The following DNMT1 variants were observed in gnomAD, a reference collection of about 807,000 sequenced individuals.
DNMT1 encodes the protein DNA (cytosine-5)-methyltransferase 1.
In DNMT1, 24 loss-of-function variants were observed where a neutral mutation model predicts 205.3. That is an observed-to-expected ratio of 0.12 (90% CI 0.08 to 0.16). The LOEUF is 0.16. Among genes scored for constraint, DNMT1 ranks in the 10% least tolerant of loss-of-function variants. The probability of loss-of-function intolerance (pLI) is 1.00; values close to 1 mark genes in which losing one functional copy is unlikely to be tolerated. For missense variants in DNMT1, 1,293 were observed against 2,177.7 expected (o/e 0.59, Z 8.09); for synonymous variants, 817 against 839.8 (o/e 0.97, Z 0.47).
At chr19:10,147,783 G>A (rs951770456) in intron 27 of DNMT1, among the ~76,000 whole-genome samples, 1 of 151,914 alleles carries the variant, frequency 6.6e-6, no homozygotes, top group Non-Finnish European at 1.5e-5. Flanking sequence ...AGTGAGGTAC[G>A]GAGGTTAAAA....
chr19:10,179,398 A>G (rs1411708122), intron 5 of DNMT1, among the ~76,000 whole-genome samples: 2 of 151,714 alleles, frequency 1.3e-5, no homozygotes, highest in Non-Finnish European at 2.9e-5. Context: ...ACGTCTGGCA[A>G]ATTTTTTGTA....
chr19:10,163,493 A>C, intron 11 of DNMT1, 133 bp from the exon 12 acceptor site: 1 of 888,884 alleles, frequency 1.1e-6, no homozygotes, highest in South Asian at 1.4e-5. Flanking sequence ...GAAGACAGGC[A>C]GGCCTGGGCA....
intron 7 of DNMT1, among the ~76,000 whole-genome samples, chr19:10,175,126 C>T (rs2038912929): frequency 9.4e-6 from 1 of 106,210 alleles, no homozygotes; most frequent in African/African-American, 3.6e-5. Flanking sequence ...CACACACACA[C>T]ACATATATAT....
intron 1 of DNMT1, among the ~76,000 whole-genome samples, chr19:10,186,794 C>A (rs939710463): frequency 1.4e-4 from 20 of 138,726 alleles, no homozygotes; most frequent in African/African-American, 5.4e-4. Context: ...GCCAAGGTCA[C>A]GTCATTGCAC....
At chr19:10,164,985 G>A (rs1017324818) in intron 11 of DNMT1, among the ~76,000 whole-genome samples, 3 of 134,592 alleles carry the variant, frequency 2.2e-5, no homozygotes, top group East Asian at 2.3e-4. Flanking sequence ...TGAATGCAAC[G>A]GTTCATGCCT....
rs1028904941 is a variant in DNMT1, at chr19:10,146,907, A to G, written c.2721-383T>C. ...TAAAGGCTCAACAGGTATTTGAGGAAATTCAACATTATTCTTGACTAGTAA... is the reference window on the plus strand; with the variant it reads ...TAAAGGCTCAACAGGTATTTGAGGAGATTCAACATTATTCTTGACTAGTAA... On this transcript the variant is annotated intron_variant, in intron 27 of 40. Transcript: ENST00000359526. The surrounding 1 kb of genome is among the most constrained non-coding windows in gnomAD (Gnocchi z 4.4). Among the ~76,000 whole-genome samples, 1 of 152,188 alleles carries G rather than the reference A, an allele frequency of 6.6e-6. No homozygotes were observed. The highest frequency in any genetic ancestry group is 1.5e-5 in the Non-Finnish European group (1 of 68,050).
rs182154331 is a variant in DNMT1 at position 10,136,283 on chromosome 19, G to C, written c.4494C>G (p.Gly1498=). 1 of 1,613,888 alleles carries C rather than the reference G, an allele frequency of 6.2e-7. No homozygotes were observed. Among genetic ancestry groups the C allele is most frequent in the East Asian group, 2.2e-5 (1 of 44,886 alleles). ...GCCTGGCTGCGGGGTCGCAGGCTTT[G>C]CCGGCTGGAAGACAGGACAGTGATG... ...LRGVCSCVEA[G]KACDPAARQF... Residue 1498 remains glycine (G), a synonymous_variant, in exon 38 of 41, where the codon GGC becomes GGG. Transcript: ENST00000359526.
rs74574531 is a variant in DNMT1, at chr19:10,151,596, C to T, written c.2118-51G>A. 637 of 1,611,996 alleles carry T rather than the reference C, an allele frequency of 4.0e-4. No homozygotes were observed. The East Asian group carries it at 4.6e-3, about 12-fold the overall frequency. ...GGCCCCTTTTCTAAGTAAGACCAAC[C>T]GGGGCTGTTTTCTTCATAACAGGGA... On this transcript the variant is annotated intron_variant, in intron 23 of 40. Coordinates refer to ENST00000359526, the MANE Select transcript of DNMT1 (RefSeq NM_001130823.3). This position sits in a 1 kb window ranked among gnomAD's most constrained non-coding sequence, Gnocchi z 5.0.
At chr19:10,147,072 AAC>A (rs1407847151) in intron 27 of DNMT1, among the ~76,000 whole-genome samples, 3 of 152,126 alleles carry the variant, frequency 2.0e-5, no homozygotes, top group Non-Finnish European at 4.4e-5. Flanking sequence ...TAGCCTGGCC[AAC>A]ACAGTGAGAC....
At chr19:10,160,979 G>A (rs139658335) in intron 13 of DNMT1, among the ~76,000 whole-genome samples, 1 of 152,202 alleles carries the variant, frequency 6.6e-6, no homozygotes, top group African/African-American at 2.4e-5. Flanking sequence ...TAGCTTTCCT[G>A]TGTAAGTGGA....
intron 1 of DNMT1, among the ~76,000 whole-genome samples, chr19:10,187,415 C>T (rs1043270951): frequency 1.3e-5 from 2 of 151,984 alleles, no homozygotes; most frequent in Non-Finnish European, 2.9e-5. Flanking sequence ...CTAGCCTGGG[C>T]AACAGAGCGA....
At chr19:10,163,421 C>A in intron 11 of DNMT1, 61 bp from the exon 12 acceptor site, 1 of 1,556,670 alleles carries the variant, frequency 6.4e-7, no homozygotes, top group Non-Finnish European at 8.9e-7. Context: ...GTTTCTGAGC[C>A]AGAGTGAGAT....
In DNMT1 at chr19:10,138,668, A is replaced by G; in HGVS notation, c.3949-63T>C. ...GGACACTCCCAACTGGACTGGCCAG[A>G]CCCAGGCCCAGGGTCAGCAGCCTGA... On this transcript the variant is annotated intron_variant, in intron 34 of 40. Coordinates refer to ENST00000359526, the MANE Select transcript of DNMT1 (RefSeq NM_001130823.3). This position sits in a 1 kb window ranked among gnomAD's most constrained non-coding sequence, Gnocchi z 4.1. 1 of 1,559,018 alleles carries G rather than the reference A, an allele frequency of 6.4e-7. No individual in the cohort carries two copies. The highest frequency in any genetic ancestry group is 8.6e-7 in the Non-Finnish European group (1 of 1,158,636).
In DNMT1 at chr19:10,134,420, T is replaced by C. The variant is rs1361454755; in HGVS notation, c.4774-113A>G. 7 of 962,968 alleles carry C rather than the reference T, an allele frequency of 7.3e-6. No individual in the cohort carries two copies. In the African/African-American group the frequency reaches 1.1e-4, roughly 16 times the overall value. The allele number at this position is 962,968 out of a possible 1,614,324, so 59.7% of individuals were successfully genotyped here. ...GAGGACAACCTGGGCATTGCACCCC[T>C]TGGGGAAGGGTTCTGGTCCTGCTCA... On this transcript the variant is annotated intron_variant, in intron 39 of 40. Coordinates refer to ENST00000359526, the MANE Select transcript of DNMT1 (RefSeq NM_001130823.3).
rs546578438 is a variant in DNMT1 at position 10,134,621 on chromosome 19, A to G, written c.4774-314T>C. ...GTAATCCCAGCACTTTGGGAGGCCA[A>G]GGCAGGTGGATTAGTTGAGGCCAGG... On this transcript the variant is annotated intron_variant, in intron 39 of 40. Coordinates refer to ENST00000359526, the MANE Select transcript of DNMT1 (RefSeq NM_001130823.3). Among the ~76,000 whole-genome samples, 9 of 152,304 alleles carry G rather than the reference A, an allele frequency of 5.9e-5. 1 individual carries two copies. In the East Asian group the frequency reaches 1.7e-3, roughly 29 times the overall value.
At chr19:10,135,449 C>T in intron 39 of DNMT1, 1 of 479,718 alleles carries the variant, frequency 2.1e-6, no homozygotes, top group Admixed American at 3.3e-5. Context: ...AGCGAGTGAG[C>T]TGTCGCCACC....
intron 9 of DNMT1, among the ~76,000 whole-genome samples, chr19:10,171,804 CAAAT>C (rs201700970): frequency 0.13 from 18,323 of 139,792 alleles, 1,572 homozygotes; most frequent in African/African-American, 0.24. Context: ...GACTCCGTCT[CAAAT>C]AAATAAATAA....
chr19:10,140,903 C>T lies in DNMT1; in HGVS notation c.3401G>A (p.Gly1134Asp), dbSNP rs770370709. 6.2e-6 allele frequency: 10 copies of T among 1,613,892 alleles called. No homozygotes were observed. The highest frequency in any genetic ancestry group is 8.5e-6 in the Non-Finnish European group (10 of 1,180,040). ...CTCACAGGCTTGGGACTTGGGCTTG[C>T]CCTTCCCTGGGGGAGAGAGGCCAGA... ...NKGKGKGKGK[G>D]KPKSQACEPS... The change falls in exon 32 of 41, where the codon GGC becomes GAC. Residue 1134 changes from glycine to aspartate, a missense_variant. Physicochemically the swap from Gly to Asp is moderately conservative, Grantham distance 94 (BLOSUM62 -1). Around this residue, in one of 13 missense-constraint regions of DNMT1, gnomAD observed 167 missense variants for 258.1 expected, o/e 0.65. Coordinates refer to ENST00000359526, the MANE Select transcript of DNMT1 (RefSeq NM_001130823.3). The surrounding 1 kb of genome is among the most constrained non-coding windows in gnomAD (Gnocchi z 8.4).
rs535967897 is a variant in DNMT1 at position 10,133,556 on chromosome 19, C to G, written c.*111G>C. The G allele has an allele frequency of 3.8e-5, 51 of 1,329,190 alleles. No homozygotes were observed. The East Asian group carries it at 1.2e-3, about 32-fold the overall frequency. 82.3% of individuals were successfully genotyped at this position (1,329,190 alleles called of 1,614,324 possible). On this transcript the variant is annotated 3_prime_UTR_variant, in exon 41 of 41. Coordinates refer to ENST00000359526, the MANE Select transcript of DNMT1 (RefSeq NM_001130823.3). This position sits in a 1 kb window ranked among gnomAD's most constrained non-coding sequence, Gnocchi z 4.1. ...AACAGCTTCATGTCAGCCAAGGCCA[C>G]AAACACCATGTACCACACATGTGAA...
Sources: allele counts gnomAD v4.1 joint callset (sites outside exome capture counted in the v4.1 genomes callset), GRCh38; gene constraint gnomAD v4.1.1; regional missense constraint gnomAD v4.1.1; non-coding constraint Gnocchi (gnomAD v3.1); transcripts MANE v1.5; gene names NCBI Gene and HGNC (gene_info 2026-07-23, HGNC 2026-07-21).